The following ANKS1B variants were observed in gnomAD, a reference collection of about 807,000 sequenced individuals.
The protein encoded by ANKS1B is ankyrin repeat and sterile alpha motif domain containing 1B, also known as ankyrin repeat and sterile alpha motif domain-containing protein 1B.
A neutral mutation model predicts 148.3 loss-of-function variants in ANKS1B; 36 were observed. The ratio of observed to expected loss-of-function variants is 0.24; its 90% CI spans 0.19 to 0.32. The LOEUF (loss-of-function observed/expected upper bound fraction) is 0.32. Ranked by LOEUF, ANKS1B falls within the 10% of genes least tolerant of loss-of-function variation. ANKS1B has a pLI of 1.00. For missense variants in ANKS1B, 1,157 were observed against 1,542.6 expected (o/e 0.75, Z 4.19); for synonymous variants, 542 against 560.8 (o/e 0.97, Z 0.47).
At chr12:99,609,859 C>T (rs2097885379) in intron 9 of ANKS1B, among the ~76,000 whole-genome samples, 3 of 152,070 alleles carry the variant, frequency 2.0e-5, no homozygotes, top group Non-Finnish European at 4.4e-5. Context: ...GGAACAAATA[C>T]AGATAAAATT....
intron 1 of ANKS1B, among the ~76,000 whole-genome samples, chr12:99,983,755 G>T (rs1221412524): frequency 1.3e-5 from 2 of 152,172 alleles, no homozygotes; most frequent in African/African-American, 4.8e-5. Context: ...GACAAAAAAG[G>T]CTGCGTTCAA....
At chr12:99,571,431 G>GA (rs974109644) in intron 9 of ANKS1B, among the ~76,000 whole-genome samples, 40 of 146,998 alleles carry the variant, frequency 2.7e-4, no homozygotes, top group South Asian at 1.5e-3. Context: ...ATCACAACAA[G>GA]AAAAAAAAAA....
chr12:98,871,078 CTT>C (rs1394891232), intron 17 of ANKS1B, among the ~76,000 whole-genome samples: 1 of 152,168 alleles, frequency 6.6e-6, no homozygotes, highest in Non-Finnish European at 1.5e-5. Flanking sequence ...TCAAAGAAGT[CTT>C]TTTCATTTTT....
intron 1 of ANKS1B, among the ~76,000 whole-genome samples, chr12:99,935,582 C>T (rs1370913426): frequency 6.6e-6 from 1 of 152,052 alleles, no homozygotes; most frequent in Admixed American, 6.6e-5. Context: ...AAGACAGACA[C>T]TCACCCATTT....
chr12:99,896,715 C>T (rs1417707006), intron 1 of ANKS1B, among the ~76,000 whole-genome samples: 1 of 151,176 alleles, frequency 6.6e-6, no homozygotes. Context: ...CCTTTGTGGT[C>T]TAGCCTAGAA....
intron 3 of ANKS1B, among the ~76,000 whole-genome samples, chr12:99,808,180 A>C (rs1279477764): frequency 6.6e-6 from 1 of 152,142 alleles, no homozygotes; most frequent in East Asian, 1.9e-4. Context: ...AATAGGGAGT[A>C]GCTGTTTAGA....
intron 12 of ANKS1B, among the ~76,000 whole-genome samples, chr12:99,341,708 G>T (rs958662330): frequency 2.6e-5 from 4 of 152,090 alleles, no homozygotes; most frequent in Admixed American, 1.3e-4. Flanking sequence ...AAGCCAGTCT[G>T]CAGTATCTGG....
chr12:99,941,764 G>T (rs2094925395), intron 1 of ANKS1B, among the ~76,000 whole-genome samples: 1 of 152,064 alleles, frequency 6.6e-6, no homozygotes, highest in Non-Finnish European at 1.5e-5. Flanking sequence ...TGTAGAATAT[G>T]GTAGACTTTA....
At chr12:98,865,069 G>T (rs2099617709) in intron 17 of ANKS1B, among the ~76,000 whole-genome samples, 1 of 152,042 alleles carries the variant, frequency 6.6e-6, no homozygotes, top group Non-Finnish European at 1.5e-5. Flanking sequence ...GAGAAGCCCT[G>T]CCACCAGCCA....
chr12:99,394,834 GA>G (rs1271775092), intron 12 of ANKS1B, among the ~76,000 whole-genome samples: 1 of 152,078 alleles, frequency 6.6e-6, no homozygotes, highest in Non-Finnish European at 1.5e-5. Context: ...CTGCAGACTG[GA>G]CCTTCTGCTG....
intron 10 of ANKS1B, among the ~76,000 whole-genome samples, chr12:99,482,540 G>A (rs2096428470): frequency 6.6e-6 from 1 of 151,924 alleles, no homozygotes; most frequent in Non-Finnish European, 1.5e-5. Flanking sequence ...ATGAATTTTA[G>A]AATGGTTTTT....
intron 26 of ANKS1B, among the ~76,000 whole-genome samples, chr12:98,749,060 C>T (rs555627148): frequency 7.2e-4 from 109 of 152,252 alleles, no homozygotes; most frequent in African/African-American, 2.4e-3. Flanking sequence ...GGCCTGGTTC[C>T]GGTGGTGACA....
chr12:99,348,881 T>C (rs1023672556), intron 12 of ANKS1B, among the ~76,000 whole-genome samples: 16 of 151,904 alleles, frequency 1.1e-4, no homozygotes. Context: ...GGTAACTACA[T>C]AGGTGAATAT....
intron 12 of ANKS1B, among the ~76,000 whole-genome samples, chr12:99,274,647 A>G (rs1043115433): frequency 6.6e-6 from 1 of 152,132 alleles, no homozygotes; most frequent in African/African-American, 2.4e-5. Context: ...ATGCCCTTTT[A>G]GTTTCTGCCT....
chr12:99,784,235 G>A (rs1365928044), intron 4 of ANKS1B, among the ~76,000 whole-genome samples: 1 of 144,114 alleles, frequency 6.9e-6, no homozygotes, highest in African/African-American at 2.6e-5. Flanking sequence ...GCAGTGGCAC[G>A]ATCTCAGCTC....
At chr12:99,885,475 G>C in intron 1 of ANKS1B, among the ~76,000 whole-genome samples, 1 of 151,646 alleles carries the variant, frequency 6.6e-6, no homozygotes, top group Non-Finnish European at 1.5e-5. Context: ...TAATTTTTTT[G>C]TGTATTTTTG....
intron 1 of ANKS1B, among the ~76,000 whole-genome samples, chr12:99,873,253 T>C (rs908687362): frequency 1.3e-5 from 2 of 152,180 alleles, no homozygotes; most frequent in South Asian, 2.1e-4. Flanking sequence ...AGGAAGACTG[T>C]TGACATAAGG....
chr12:99,507,817 A>G (rs1381706532), intron 9 of ANKS1B, among the ~76,000 whole-genome samples: 1 of 151,916 alleles, frequency 6.6e-6, no homozygotes, highest in Non-Finnish European at 1.5e-5. Context: ...GATATGCAAG[A>G]TAATTTTTTT....
chr12:99,556,208 T>C (rs908889250), intron 9 of ANKS1B, among the ~76,000 whole-genome samples: 4 of 152,186 alleles, frequency 2.6e-5, no homozygotes, highest in East Asian at 1.9e-4. Context: ...GTGTTCTCGA[T>C]TGTGTATGCA....
Sources: allele counts gnomAD v4.1 joint callset (sites outside exome capture counted in the v4.1 genomes callset), GRCh38; gene constraint gnomAD v4.1.1; transcripts MANE v1.5; gene names NCBI Gene and HGNC (gene_info 2026-07-23, HGNC 2026-07-21).